The following EGFLAM variants were observed in gnomAD, a reference collection of about 807,000 sequenced individuals.
The protein encoded by EGFLAM is EGF like, fibronectin type III and laminin G domains.
A neutral mutation model predicts 113.1 loss-of-function variants in EGFLAM; 79 were observed. That is an observed-to-expected ratio of 0.70 (90% CI 0.58 to 0.84). The LOEUF is 0.84. Among genes scored for constraint, EGFLAM ranks in the 40% least tolerant of loss-of-function variants. The pLI is 0.00. For synonymous variants in EGFLAM, 504 were observed against 487.6 expected (o/e 1.03, Z -0.44); for missense variants, 1,265 against 1,291.6 (o/e 0.98, Z 0.32).
At chr5:38,306,956 C>A (rs968307951) in intron 1 of EGFLAM, among the ~76,000 whole-genome samples, 1 of 152,146 alleles carries the variant, frequency 6.6e-6, no homozygotes, top group African/African-American at 2.4e-5. Flanking sequence ...CAGCAAGAAC[C>A]AAGAACCAAG....
At chr5:38,418,314 C>T in intron 12 of EGFLAM, 59 bp downstream of exon 12, 1 of 1,577,488 alleles carries the variant, frequency 6.3e-7, no homozygotes, top group Non-Finnish European at 8.6e-7. Context: ...TATGGGACTG[C>T]CTTTCTGGCT....
chr5:38,428,679 C>G (rs1286800622), intron 14 of EGFLAM, among the ~76,000 whole-genome samples: 1 of 152,224 alleles, frequency 6.6e-6, no homozygotes, highest in African/African-American at 2.4e-5. Context: ...CAGACTACCC[C>G]CTCCACACTG....
Position 38,463,220 on chromosome 5 carries a change from C to G in EGFLAM, c.2875+209C>G, listed in dbSNP as rs16903979. The stretch of plus-strand genomic sequence containing the variant: ...CCCTTCGATGCTTTTATGCTTTGGA[C>G]AGATCCACCAGGAAAACCAGGCTTT... On this transcript the variant is annotated intron_variant, in intron 21 of 21. Transcript: ENST00000322350. Among the ~76,000 whole-genome samples, 474 of 152,272 alleles carry G rather than the reference C, an allele frequency of 3.1e-3. 3 individuals carry two copies. The highest frequency in any genetic ancestry group is 0.011 in the African/African-American group (451 of 41,552).
At chr5:38,333,311 A>G (rs1407274022) in intron 1 of EGFLAM, among the ~76,000 whole-genome samples, 7 of 152,208 alleles carry the variant, frequency 4.6e-5, no homozygotes, top group Non-Finnish European at 5.9e-5. Flanking sequence ...CTCTGGGTGT[A>G]TATCCAGTAA....
At chr5:38,457,258 C>T (rs149138275) in intron 19 of EGFLAM, among the ~76,000 whole-genome samples, 14 of 152,278 alleles carry the variant, frequency 9.2e-5, no homozygotes, top group African/African-American at 3.1e-4. Flanking sequence ...CAGATGCATT[C>T]ATTTCTTAGG....
chr5:38,421,400 C>G (rs542956962), intron 12 of EGFLAM, among the ~76,000 whole-genome samples: 1 of 152,320 alleles, frequency 6.6e-6, no homozygotes, highest in East Asian at 1.9e-4. Context: ...CTTGGATATC[C>G]CCACTCTGCT....
chr5:38,328,801 A>C (rs1177811991), intron 1 of EGFLAM, among the ~76,000 whole-genome samples: 1 of 145,730 alleles, frequency 6.9e-6, no homozygotes, highest in Non-Finnish European at 1.5e-5. Context: ...ATTAATATGC[A>C]TAAGTTTTAT....
rs1276472179 is a variant in EGFLAM, at chr5:38,409,056, G to A, written c.1301G>A (p.Arg434Lys). ...TACTGTGGGGAGAACGAACACGGGA[G>A]GGGGGATTTCATGTCCCTGGCTATC... ...LLYCGENEHG[R>K]GDFMSLAIIR... Residue 434 changes from arginine (R) to lysine (K), a missense_variant, in exon 10 of 22, where the codon AGG becomes AAG. Coordinates refer to ENST00000322350, the MANE Select transcript of EGFLAM (RefSeq NM_152403.4). 1.9e-6 allele frequency: 3 copies of A among 1,595,448 alleles called. No individual in the cohort carries two copies. The highest frequency in any genetic ancestry group is 1.7e-5 in the Admixed American group (1 of 58,086).
rs571780461 is a variant in EGFLAM, at chr5:38,382,241, T to C, written c.712+11779T>C. On this transcript the variant is annotated intron_variant, in intron 6 of 21. Coordinates refer to ENST00000322350, the MANE Select transcript of EGFLAM (RefSeq NM_152403.4). ...TCTTCCAGAATTTTTTTTAATCCAA[T>C]GATGAAATCATAGTACATACACTTT... Among the ~76,000 whole-genome samples the C allele has an allele frequency of 2.6e-5, 4 of 152,346 alleles. No homozygotes were observed. In the South Asian group the frequency reaches 8.3e-4, roughly 32 times the overall value.
intron 6 of EGFLAM, among the ~76,000 whole-genome samples, chr5:38,371,659 C>A (rs769822601): frequency 6.6e-6 from 1 of 152,004 alleles, no homozygotes. Context: ...TGCACATGCT[C>A]GTGCACCCTA....
intron 12 of EGFLAM, among the ~76,000 whole-genome samples, chr5:38,418,563 G>A (rs189868705): frequency 6.6e-6 from 1 of 152,280 alleles, no homozygotes; most frequent in East Asian, 1.9e-4. Flanking sequence ...AGCAACAAGC[G>A]ATCCAGCCCT....
At chr5:38,305,124 G>C (rs972486006) in intron 1 of EGFLAM, among the ~76,000 whole-genome samples, 5 of 151,394 alleles carry the variant, frequency 3.3e-5, no homozygotes, top group African/African-American at 1.2e-4. Context: ...GAAGAAAAGA[G>C]AAAAAACCAA....
chr5:38,363,670 T>C (rs2112018383), intron 5 of EGFLAM, among the ~76,000 whole-genome samples: 1 of 152,366 alleles, frequency 6.6e-6, no homozygotes, highest in East Asian at 1.9e-4. Flanking sequence ...ATTTTTATTA[T>C]TTTGATGATC....
intron 17 of EGFLAM, among the ~76,000 whole-genome samples, chr5:38,441,301 T>C (rs902029433): frequency 6.6e-6 from 1 of 152,166 alleles, no homozygotes; most frequent in South Asian, 2.1e-4. Context: ...GGTTTGACCT[T>C]GGGGGTCCCC....
At chr5:38,407,428 A>T (rs1423766946) in intron 8 of EGFLAM, among the ~76,000 whole-genome samples, 3 of 152,224 alleles carry the variant, frequency 2.0e-5, no homozygotes, top group Non-Finnish European at 2.9e-5. Flanking sequence ...AGGTTTTACT[A>T]TAATCACATC....
chr5:38,388,587 A>AAAATATAT (rs1554010580), intron 6 of EGFLAM, among the ~76,000 whole-genome samples: 2 of 150,724 alleles, frequency 1.3e-5, no homozygotes, highest in African/African-American at 4.9e-5. Flanking sequence ...CTACTAAAAA[A>AAAATATAT]ATATATATAT....
In EGFLAM at chr5:38,273,588, T is replaced by A. The variant is rs116032076; in HGVS notation, c.97+14737T>A. ...GTGACAGCTTTAGCAGCCATGGGAC[T>A]TCAGTTTGGCACTGTGCTGGCTGTG... On this transcript the variant is annotated intron_variant, in intron 1 of 21. Coordinates refer to ENST00000322350, the MANE Select transcript of EGFLAM (RefSeq NM_152403.4). 5.4e-3 allele frequency among the ~76,000 whole-genome samples: 825 copies of A among 152,346 alleles called. 8 individuals are homozygous for A. The highest frequency in any genetic ancestry group is 0.019 in the African/African-American group (785 of 41,584).
intron 6 of EGFLAM, among the ~76,000 whole-genome samples, chr5:38,391,700 C>T (rs964290452): frequency 3.9e-5 from 6 of 152,082 alleles, no homozygotes; most frequent in Non-Finnish European, 8.8e-5. Context: ...CCCGGCCTTA[C>T]ACAGTGTTTT....
chr5:38,417,922 C>T, intron 11 of EGFLAM, 144 bp from the exon 12 acceptor site: 1 of 804,818 alleles, frequency 1.2e-6, no homozygotes, highest in Non-Finnish European at 1.9e-6. Flanking sequence ...TCCAGTAAGG[C>T]AAGGTCTTAA....
Sources: gnomAD v4.1 joint callset for allele counts (sites outside exome capture counted in the v4.1 genomes callset) on GRCh38, gnomAD v4.1.1 for gene constraint, MANE v1.5 for transcripts, NCBI Gene and HGNC (gene_info 2026-07-23, HGNC 2026-07-21) for gene names.